The following P2RY1 variants were observed in gnomAD, a reference collection of about 807,000 sequenced individuals.
The protein encoded by P2RY1 is purinergic receptor P2Y1.
Under a neutral mutation model 22.8 loss-of-function variants are expected in P2RY1, and 14 were observed. That is an observed-to-expected ratio of 0.61 (90% confidence interval 0.41 to 0.96). P2RY1 has a LOEUF of 0.96. P2RY1 is among the 40% of genes least tolerant of loss of function. The pLI, the probability that P2RY1 is intolerant of heterozygous loss-of-function variation, is 0.00. For synonymous variants in P2RY1, 200 were observed against 195.1 expected, an observed-to-expected ratio of 1.03 and a Z score of -0.21; for missense variants, 395 against 470.3, an observed-to-expected ratio of 0.84 and a Z score of 1.48.
rs1716259034 is a variant in P2RY1, at chr3:152,839,874, T to G, written c.*2970T>G. On this transcript the variant is annotated 3_prime_UTR_variant, in exon 1 of 1. Coordinates refer to ENST00000305097, the MANE Select transcript of P2RY1 (RefSeq NM_002563.5). ...CAGATTATGATGTGGACCTGTCACC[T>G]GTAAATTGTCTCAATCTACTCAGAC... 6.6e-6 allele frequency: 1 copy of G among 152,218 alleles called. No individual in the cohort carries two copies. Among genetic ancestry groups the G allele is most frequent in the South Asian group, 2.1e-4 (1 of 4,828 alleles). The allele number at this position is 152,218 out of a possible 1,614,324, so 9.4% of individuals were successfully genotyped here.
rs763314388 is a variant in P2RY1 at position 152,835,746 on chromosome 3, A to AC, written c.-33dup. ...CGCCGCTGCCCTCTCGCCGCCTCCT[A>AC]CCCCTCGGAGCCGCCGCCTAAGTCG... On this transcript the variant is annotated 5_prime_UTR_variant, in exon 1 of 1. An upstream open reading frame in the 5' UTR loses its in-frame stop. Coordinates refer to ENST00000305097, the MANE Select transcript of P2RY1 (RefSeq NM_002563.5). 3.9e-6 allele frequency: 6 copies of AC among 1,531,824 alleles called. No individual in the cohort carries two copies. The highest frequency in any genetic ancestry group is 3.5e-6 in the Non-Finnish European group (4 of 1,146,644). 94.9% of individuals were successfully genotyped at this position (1,531,824 alleles called of 1,614,324 possible).
chr3:152,837,337 T>A lies in P2RY1; in HGVS notation c.*433T>A, dbSNP rs1199797864. On this transcript the variant is annotated 3_prime_UTR_variant, in exon 1 of 1. Coordinates refer to ENST00000305097, the MANE Select transcript of P2RY1 (RefSeq NM_002563.5). ...CACAGTAGGAATAAAAAATCTATATTCTCAGAAATATCTAGCATGGTATAT... is the reference window on the plus strand; with the variant it reads ...CACAGTAGGAATAAAAAATCTATATACTCAGAAATATCTAGCATGGTATAT... 1 of 175,670 alleles carries A rather than the reference T, an allele frequency of 5.7e-6. No homozygotes were observed. Among genetic ancestry groups the A allele is most frequent in the Non-Finnish European group, 1.4e-5 (1 of 72,838 alleles). The allele number at this position is 175,670 out of a possible 1,614,324, so 10.9% of individuals were successfully genotyped here.
rs995920104 is a variant in P2RY1 at position 152,837,623 on chromosome 3, T to G, written c.*719T>G. The G allele has an allele frequency of 2.4e-5, 4 of 167,190 alleles. No individual in the cohort carries two copies. The Admixed American group carries it at 2.6e-4, about 11-fold the overall frequency. 10.4% of individuals were successfully genotyped at this position (167,190 alleles called of 1,614,324 possible). On this transcript the variant is annotated 3_prime_UTR_variant, in exon 1 of 1. Coordinates refer to ENST00000305097, the MANE Select transcript of P2RY1 (RefSeq NM_002563.5). Reference sequence around the variant, plus strand: ...TATATTATCGTACTGGTAAAATGCATTCAAAATAATTAAAGTGCATGTATT... The same window carrying G: ...TATATTATCGTACTGGTAAAATGCAGTCAAAATAATTAAAGTGCATGTATT...
At position 152,836,731 on chromosome 3, in the gene P2RY1, A is replaced by G; in HGVS notation, c.949A>G (p.Ser317Gly). 1 of 1,614,176 alleles carries G rather than the reference A, an allele frequency of 6.2e-7. No individual in the cohort carries two copies. Among genetic ancestry groups the G allele is most frequent in the Non-Finnish European group, 8.5e-7 (1 of 1,180,028 alleles). Residue 317 changes from serine to glycine, a missense_variant, in exon 1 of 1, where the codon AGT (serine) becomes GGT (glycine). Around this residue, in one of 3 missense-constraint regions of P2RY1, gnomAD observed 291 missense variants for 361.6 expected, o/e 0.80. Coordinates refer to ENST00000305097, the MANE Select transcript of P2RY1 (RefSeq NM_002563.5). The surrounding 1 kb of genome is among the most constrained non-coding windows in gnomAD (Gnocchi z 5.6). Reference sequence around the variant, plus strand: ...GACAAGAGGTCTAGCAAGTCTCAACAGTTGTGTGGACCCCATTCTCTATTT... The same window carrying G: ...GACAAGAGGTCTAGCAAGTCTCAACGGTTGTGTGGACCCCATTCTCTATTT... ...QVTRGLASLN[S>G]CVDPILYFLA...
In P2RY1 at chr3:152,835,432, G is replaced by T; in HGVS notation, c.-351G>T. On this transcript the variant is annotated 5_prime_UTR_variant, in exon 1 of 1. Coordinates refer to ENST00000305097, the MANE Select transcript of P2RY1 (RefSeq NM_002563.5). ...CTTGACCTCGCTGCGCCTCTGGCGCGCTCTGCAGCGCGGACCCGCGGCCCC... is the reference window on the plus strand; with the variant it reads ...CTTGACCTCGCTGCGCCTCTGGCGCTCTCTGCAGCGCGGACCCGCGGCCCC... 1 of 297,598 alleles carries T rather than the reference G, an allele frequency of 3.4e-6. No individual in the cohort carries two copies. The highest frequency in any genetic ancestry group is 5.9e-5 in the South Asian group (1 of 16,876). The allele number at this position is 297,598 out of a possible 1,614,324, so 18.4% of individuals were successfully genotyped here.
chr3:152,836,065 C>T lies in P2RY1; in HGVS notation c.283C>T (p.Leu95=). 6.2e-7 allele frequency: 1 copy of T among 1,614,194 alleles called. No homozygotes were observed. The change falls in exon 1 of 1, where the codon CTG becomes TTG. Residue 95 remains leucine, a synonymous_variant. Transcript: ENST00000305097. This position sits in a 1 kb window ranked among gnomAD's most constrained non-coding sequence, Gnocchi z 5.6. ...GISVYMFNLA[L]ADFLYVLTLP... ...CTCCGTGTACATGTTCAATTTGGCT[C>T]TGGCCGACTTCTTGTACGTGCTGAC...
chr3:152,840,601 T>C lies in P2RY1; in HGVS notation c.*3697T>C, dbSNP rs1716273426. 6.6e-6 allele frequency: 1 copy of C among 152,170 alleles called. No individual in the cohort carries two copies. Among genetic ancestry groups the C allele is most frequent in the South Asian group, 2.1e-4 (1 of 4,824 alleles). The allele number at this position is 152,170 out of a possible 1,614,324, so 9.4% of individuals were successfully genotyped here. A position where few individuals can be genotyped will look rare whatever the true frequency, so the allele number is the denominator to read the frequency against. On this transcript the variant is annotated 3_prime_UTR_variant, in exon 1 of 1. Transcript: ENST00000305097. ...GCAGTCAAGTGGGATGGGCATTATATAAACAACGTTACAATGTAAGGAAAA... is the reference window on the plus strand; with the variant it reads ...GCAGTCAAGTGGGATGGGCATTATACAAACAACGTTACAATGTAAGGAAAA...
chr3:152,839,053 T>C lies in P2RY1; in HGVS notation c.*2149T>C, dbSNP rs992538097. 1.3e-5 allele frequency: 2 copies of C among 152,214 alleles called. No homozygotes were observed. The highest frequency in any genetic ancestry group is 6.5e-5 in the Admixed American group (1 of 15,276). The allele number at this position is 152,214 out of a possible 1,614,324, so 9.4% of individuals were successfully genotyped here. A position where few individuals can be genotyped will look rare whatever the true frequency, so the allele number is the denominator to read the frequency against. ...ACCATTTAGTTTTCTTTCTTTTAGG[T>C]CTCAGGATGCTCAGCTTAATTTAGA... On this transcript the variant is annotated 3_prime_UTR_variant, in exon 1 of 1. Transcript: ENST00000305097.
chr3:152,835,587 G>C lies in P2RY1; in HGVS notation c.-196G>C, dbSNP rs1716129730. The C allele has an allele frequency of 7.0e-6, 4 of 572,336 alleles. No homozygotes were observed. Among genetic ancestry groups the C allele is most frequent in the African/African-American group, 2.0e-5 (1 of 50,244 alleles). 35.5% of individuals were successfully genotyped at this position (572,336 alleles called of 1,614,324 possible). ...GCCCAGTTCGGTGGCGGCCCGGGGCGGATTTCATGGCCCGCGGCGAACGCG... is the reference window on the plus strand; with the variant it reads ...GCCCAGTTCGGTGGCGGCCCGGGGCCGATTTCATGGCCCGCGGCGAACGCG... On this transcript the variant is annotated 5_prime_UTR_variant, in exon 1 of 1. Transcript: ENST00000305097.
rs1315796520 is a variant in P2RY1, at chr3:152,839,981, G to A, written c.*3077G>A. ...TTGGCTAGTGACAATGTTTAAAGATGTAATACTAGTTAGTATCTATTGAAG... is the reference window on the plus strand; with the variant it reads ...TTGGCTAGTGACAATGTTTAAAGATATAATACTAGTTAGTATCTATTGAAG... On this transcript the variant is annotated 3_prime_UTR_variant, in exon 1 of 1. Coordinates refer to ENST00000305097, the MANE Select transcript of P2RY1 (RefSeq NM_002563.5). The A allele has an allele frequency of 6.6e-6, 1 of 152,214 alleles. No individual in the cohort carries two copies. The highest frequency in any genetic ancestry group is 2.4e-5 in the African/African-American group (1 of 41,468). The allele number at this position is 152,214 out of a possible 1,614,324, so 9.4% of individuals were successfully genotyped here.
chr3:152,840,328 A>ATG lies in P2RY1; in HGVS notation c.*3426_*3427dup. On this transcript the variant is annotated 3_prime_UTR_variant, in exon 1 of 1. Coordinates refer to ENST00000305097, the MANE Select transcript of P2RY1 (RefSeq NM_002563.5). ...TAATTTTCCCTAGTAGTGCTTTTGC[A>ATG]TGTTTGCCTTTTTATTTAAGTTTTT... The ATG allele has an allele frequency of 6.6e-6, 1 of 152,264 alleles. No homozygotes were observed. The highest frequency in any genetic ancestry group is 2.1e-4 in the South Asian group (1 of 4,826). 9.4% of individuals were successfully genotyped at this position (152,264 alleles called of 1,614,324 possible). A position where few individuals can be genotyped will look rare whatever the true frequency, so the allele number is the denominator to read the frequency against.
rs570268169 is a variant in P2RY1 at position 152,836,521 on chromosome 3, A to G, written c.739A>G (p.Lys247Glu). 1.2e-6 allele frequency: 2 copies of G among 1,614,164 alleles called. No homozygotes were observed. The highest frequency in any genetic ancestry group is 4.5e-5 in the East Asian group (2 of 44,884). ...ATTAATTGTGAGAGCTTTGATTTAC[A>G]AAGATCTGGACAACTCTCCTCTGAG... ...YGLIVRALIY[K>E]DLDNSPLRRK... Residue 247 changes from lysine (K) to glutamate (E), a missense_variant, in exon 1 of 1, where the codon AAA becomes GAA. Physicochemically the swap from Lys to Glu is moderately conservative, Grantham distance 56. This residue lies in a region of P2RY1 where 291 missense variants were observed against 361.6 expected (regional missense o/e 0.80). Transcript: ENST00000305097. The surrounding 1 kb of genome is among the most constrained non-coding windows in gnomAD (Gnocchi z 5.6).
At position 152,835,860 on chromosome 3, in the gene P2RY1, G is replaced by T; in HGVS notation, c.78G>T (p.Gly26=). ...TGGCCGGTCCGGGTTCGTCCTGGGG[G>T]AACAGCACGGTCGCCTCCACTGCCG... ...AFLAGPGSSW[G]NSTVASTAAV... Residue 26 remains glycine, a synonymous_variant, in exon 1 of 1, where the codon GGG becomes GGT. Transcript: ENST00000305097. 1 of 1,613,488 alleles carries T rather than the reference G, an allele frequency of 6.2e-7. No homozygotes were observed. The highest frequency in any genetic ancestry group is 8.5e-7 in the Non-Finnish European group (1 of 1,180,030).
Position 152,837,013 on chromosome 3 carries a change from A to T in P2RY1, c.*109A>T. The T allele has an allele frequency of 1.2e-6, 1 of 853,654 alleles. No individual in the cohort carries two copies. Among genetic ancestry groups the T allele is most frequent in the Non-Finnish European group, 1.8e-6 (1 of 550,220 alleles). 52.9% of individuals were successfully genotyped at this position (853,654 alleles called of 1,614,324 possible). ...TCTAGTTTAGAAAAAAATCAAACCA[A>T]GAAAATAGTGAGTTAAAAAAATAAT... On this transcript the variant is annotated 3_prime_UTR_variant, in exon 1 of 1. Coordinates refer to ENST00000305097, the MANE Select transcript of P2RY1 (RefSeq NM_002563.5).
In P2RY1 at chr3:152,837,390, C is replaced by T. The variant is rs1047906118; in HGVS notation, c.*486C>T. 3.0e-5 allele frequency: 5 copies of T among 167,978 alleles called. No homozygotes were observed. Among genetic ancestry groups the T allele is most frequent in the African/African-American group, 9.6e-5 (4 of 41,482 alleles). 10.4% of individuals were successfully genotyped at this position (167,978 alleles called of 1,614,324 possible). Reference sequence around the variant, plus strand: ...CAAAACACTAAACTCATCAGTTCATCCGGCATCAGATCAATGGATCTCTGA... The same window carrying T: ...CAAAACACTAAACTCATCAGTTCATTCGGCATCAGATCAATGGATCTCTGA... On this transcript the variant is annotated 3_prime_UTR_variant, in exon 1 of 1. Coordinates refer to ENST00000305097, the MANE Select transcript of P2RY1 (RefSeq NM_002563.5).
At position 152,835,405 on chromosome 3, in the gene P2RY1, C is replaced by T; in HGVS notation, c.-378C>T. ...AGCTAGAGCCCTGCAGAGCGAGTTT[C>T]CCTTGACCTCGCTGCGCCTCTGGCG... On this transcript the variant is annotated 5_prime_UTR_variant, in exon 1 of 1. Transcript: ENST00000305097. The T allele has an allele frequency of 4.0e-6, 1 of 252,430 alleles. No individual in the cohort carries two copies. Among genetic ancestry groups the T allele is most frequent in the Non-Finnish European group, 7.5e-6 (1 of 133,188 alleles). 15.6% of individuals were successfully genotyped at this position (252,430 alleles called of 1,614,324 possible).
rs983351609 is a variant in P2RY1 at position 152,838,459 on chromosome 3, C to A, written c.*1555C>A. 2.0e-5 allele frequency: 3 copies of A among 152,064 alleles called. No individual in the cohort carries two copies. Among genetic ancestry groups the A allele is most frequent in the African/African-American group, 7.2e-5 (3 of 41,386 alleles). 9.4% of individuals were successfully genotyped at this position (152,064 alleles called of 1,614,324 possible). Reference sequence around the variant, plus strand: ...GGAATTTTTAGTTTTGGAAGCTATCCCTCATAAAGTCAACATCAGAGTTTG... The same window carrying A: ...GGAATTTTTAGTTTTGGAAGCTATCACTCATAAAGTCAACATCAGAGTTTG... On this transcript the variant is annotated 3_prime_UTR_variant, in exon 1 of 1. Transcript: ENST00000305097.
rs1716207105 is a variant in P2RY1 at position 152,837,790 on chromosome 3, T to C, written c.*886T>C. Reference sequence around the variant, plus strand: ...CATCTGTAAAAACAATTTTAAGAATTGCAAATAAATTACAGACCAAAGATT... The same window carrying C: ...CATCTGTAAAAACAATTTTAAGAATCGCAAATAAATTACAGACCAAAGATT... On this transcript the variant is annotated 3_prime_UTR_variant, in exon 1 of 1. Coordinates refer to ENST00000305097, the MANE Select transcript of P2RY1 (RefSeq NM_002563.5). The C allele has an allele frequency of 6.0e-6, 1 of 167,088 alleles. No individual in the cohort carries two copies. Among genetic ancestry groups the C allele is most frequent in the Non-Finnish European group, 1.5e-5 (1 of 68,120 alleles). The allele number at this position is 167,088 out of a possible 1,614,324, so 10.4% of individuals were successfully genotyped here.
At position 152,839,769 on chromosome 3, in the gene P2RY1, G is replaced by A. The variant is rs565407113; in HGVS notation, c.*2865G>A. ...TATGGTAAAGCATGAAAACTAAACA[G>A]CCAGGAGCCTGTGAAATCTGCTACT... On this transcript the variant is annotated 3_prime_UTR_variant, in exon 1 of 1. Coordinates refer to ENST00000305097, the MANE Select transcript of P2RY1 (RefSeq NM_002563.5). 6.6e-6 allele frequency: 1 copy of A among 152,148 alleles called. No homozygotes were observed. Among genetic ancestry groups the A allele is most frequent in the Non-Finnish European group, 1.5e-5 (1 of 68,014 alleles). 9.4% of individuals were successfully genotyped at this position (152,148 alleles called of 1,614,324 possible).
Sources: gnomAD v4.1 joint callset for allele counts on GRCh38, gnomAD v4.1.1 for gene constraint, gnomAD v4.1.1 regional missense constraint, Gnocchi (gnomAD v3.1) non-coding constraint, MANE v1.5 for transcripts, NCBI Gene and HGNC (gene_info 2026-07-23, HGNC 2026-07-21) for gene names.